EPHA6: variants seen among roughly 807,000 people sequenced by gnomAD.
EPHA6 encodes EPH receptor A6.
Under a neutral mutation model 112.0 loss-of-function variants are expected in EPHA6, and 50 were observed. The ratio of observed to expected loss-of-function variants is 0.45; its 90% CI spans 0.36 to 0.56. The LOEUF is 0.56. Among genes scored for constraint, EPHA6 ranks in the 20% least tolerant of loss-of-function variants. The pLI, the probability that EPHA6 is intolerant of heterozygous loss-of-function variation, is 0.00. For missense variants in EPHA6, 1,280 were observed against 1,417.4 expected, an observed-to-expected ratio of 0.90 and a Z score of 1.56; for synonymous variants, 529 against 490.7, an observed-to-expected ratio of 1.08 and a Z score of -1.03.
intron 5 of EPHA6, among the ~76,000 whole-genome samples, chr3:97,287,903 A>C (rs1286336162): frequency 6.6e-6 from 1 of 152,040 alleles, no homozygotes; most frequent in Non-Finnish European, 1.5e-5. Flanking sequence ...TTTTGGTGTC[A>C]GGGTAGTAGT....
chr3:97,305,114 A>G (rs529323510), intron 5 of EPHA6, among the ~76,000 whole-genome samples: 1 of 152,222 alleles, frequency 6.6e-6, no homozygotes, highest in Non-Finnish European at 1.5e-5. Context: ...TATCTGGCCA[A>G]CAAACATCTG....
intron 5 of EPHA6, among the ~76,000 whole-genome samples, chr3:97,317,454 G>A (rs1229832870): frequency 6.6e-6 from 1 of 151,940 alleles, no homozygotes; most frequent in Non-Finnish European, 1.5e-5. Flanking sequence ...TAAACTCATT[G>A]TTATCATGGT....
chr3:97,514,835 G>C (rs982123152), intron 10 of EPHA6, among the ~76,000 whole-genome samples: 1 of 152,148 alleles, frequency 6.6e-6, no homozygotes. Context: ...CTGCCTACCA[G>C]CCGGGAAGAG....
intron 14 of EPHA6, among the ~76,000 whole-genome samples, chr3:97,669,317 G>A (rs1018110529): frequency 2.0e-5 from 3 of 149,380 alleles, no homozygotes; most frequent in South Asian, 2.1e-4. Flanking sequence ...TTGCATTCTC[G>A]TTTGGCTTCT....
rs533584765 is a variant in EPHA6, at chr3:97,100,672, C to G, written c.1114+112679C>G. Among the ~76,000 whole-genome samples, 5 of 152,004 alleles carry G rather than the reference C, an allele frequency of 3.3e-5. No homozygotes were observed. In the South Asian group the frequency reaches 1.0e-3, roughly 31 times the overall value. ...AGGATAACTGGGATAACTGAAGGTA[C>G]GTGTTCCAAATATTTTTCCTTTATT... On this transcript the variant is annotated intron_variant, in intron 3 of 17. Coordinates refer to ENST00000389672, the MANE Select transcript of EPHA6 (RefSeq NM_001080448.3).
At chr3:96,985,064 C>T (rs1232529650) in intron 2 of EPHA6, among the ~76,000 whole-genome samples, 3 of 152,156 alleles carry the variant, frequency 2.0e-5, no homozygotes, top group Non-Finnish European at 4.4e-5. Flanking sequence ...GTCCTGCCCC[C>T]ACTGTCTGAC....
chr3:97,178,173 T>G (rs1342979448), intron 3 of EPHA6, among the ~76,000 whole-genome samples: 1 of 151,854 alleles, frequency 6.6e-6, no homozygotes, highest in Non-Finnish European at 1.5e-5. Flanking sequence ...TATTGTAACC[T>G]TATAACAATT....
intron 1 of EPHA6, among the ~76,000 whole-genome samples, chr3:96,842,149 G>A (rs2034790079): frequency 6.6e-6 from 1 of 152,242 alleles, no homozygotes; most frequent in Non-Finnish European, 1.5e-5. Context: ...GGCAAGAGCA[G>A]TACTCTAGGT....
At chr3:97,548,093 C>A (rs2092981018) in intron 11 of EPHA6, among the ~76,000 whole-genome samples, 1 of 152,200 alleles carries the variant, frequency 6.6e-6, no homozygotes, top group South Asian at 2.1e-4. Context: ...CTGTCTGGCA[C>A]TCCCCAGTGA....
intron 13 of EPHA6, among the ~76,000 whole-genome samples, chr3:97,629,848 A>G (rs2093888758): frequency 6.6e-6 from 1 of 152,022 alleles, no homozygotes; most frequent in Admixed American, 6.6e-5. Flanking sequence ...ATATGCTCTA[A>G]TGATGCTTCA....
intron 16 of EPHA6, among the ~76,000 whole-genome samples, chr3:97,746,367 T>G (rs1489574821): frequency 6.6e-6 from 1 of 151,786 alleles, no homozygotes; most frequent in East Asian, 1.9e-4. Context: ...TTGTGACACA[T>G]TTATTACTAT....
At chr3:97,271,429 G>T (rs2108641378) in intron 5 of EPHA6, among the ~76,000 whole-genome samples, 1 of 152,340 alleles carries the variant, frequency 6.6e-6, no homozygotes, top group East Asian at 1.9e-4. Context: ...CACAATCTCG[G>T]CTCACTGCAA....
At chr3:96,898,281 A>T (rs1174442110) in intron 2 of EPHA6, among the ~76,000 whole-genome samples, 1 of 152,218 alleles carries the variant, frequency 6.6e-6, no homozygotes, top group Non-Finnish European at 1.5e-5. Flanking sequence ...ACTTTCTAGT[A>T]TTTGCAGTGT....
At chr3:96,917,922 G>C (rs2107619922) in intron 2 of EPHA6, among the ~76,000 whole-genome samples, 1 of 152,234 alleles carries the variant, frequency 6.6e-6, no homozygotes, top group East Asian at 1.9e-4. Flanking sequence ...TGAAAATTCT[G>C]AAGTGACAGA....
At chr3:97,657,389 C>A (rs938297760) in intron 14 of EPHA6, among the ~76,000 whole-genome samples, 6 of 151,842 alleles carry the variant, frequency 4.0e-5, no homozygotes, top group Non-Finnish European at 8.8e-5. Context: ...ATTATACCTT[C>A]ATCTCCACCC....
intron 2 of EPHA6, among the ~76,000 whole-genome samples, chr3:96,978,860 TC>T (rs1186776165): frequency 2.0e-5 from 3 of 152,298 alleles, no homozygotes; most frequent in East Asian, 3.9e-4. Context: ...CTTCTCTCAT[TC>T]TGAACATCTC....
chr3:96,928,315 G>A (rs1030000347), intron 2 of EPHA6, among the ~76,000 whole-genome samples: 12 of 152,088 alleles, frequency 7.9e-5, no homozygotes, highest in African/African-American at 2.7e-4. Context: ...AGAGATTCTG[G>A]TATATTAGCT....
chr3:97,254,326 C>G (rs567975620), intron 5 of EPHA6, among the ~76,000 whole-genome samples: 1 of 152,150 alleles, frequency 6.6e-6, no homozygotes, highest in South Asian at 2.1e-4. Context: ...GTAGCTGGGA[C>G]TATAGGCGCA....
At chr3:97,357,483 T>C (rs1287110930) in intron 5 of EPHA6, among the ~76,000 whole-genome samples, 1 of 152,214 alleles carries the variant, frequency 6.6e-6, no homozygotes, top group East Asian at 1.9e-4. Context: ...ATTACAGGCA[T>C]GAGCCACTGT....
Sources: allele counts gnomAD v4.1 joint callset (sites outside exome capture counted in the v4.1 genomes callset), GRCh38; gene constraint gnomAD v4.1.1; transcripts MANE v1.5; gene names NCBI Gene and HGNC (gene_info 2026-07-23, HGNC 2026-07-21).